The following SNX13 variants were observed in gnomAD, a reference collection of about 807,000 sequenced individuals.
SNX13 encodes the protein sorting nexin-13.
A neutral mutation model predicts 133.6 loss-of-function variants in SNX13; 45 were observed. The observed-to-expected ratio is 0.34, with a 90% confidence interval of 0.27 to 0.43. SNX13 has a LOEUF of 0.43. SNX13 is among the 20% of genes least tolerant of loss of function. The pLI, the probability that SNX13 is intolerant of heterozygous loss-of-function variation, is 1.00. For synonymous variants in SNX13, 414 were observed against 373.9 expected (o/e 1.11, Z -1.24); for missense variants, 1,032 against 1,145.1 (o/e 0.90, Z 1.43).
At chr7:17,798,540 T>A (rs1784295860) in intron 24 of SNX13, 150 bp downstream of exon 24, 1 of 575,108 alleles carries the variant, frequency 1.7e-6, no homozygotes, top group Admixed American at 3.6e-5. Flanking sequence ...GACAAATGTT[T>A]AGTATAATTC....
At chr7:17,862,729 C>T (rs1792870379) in intron 9 of SNX13, among the ~76,000 whole-genome samples, 1 of 151,986 alleles carries the variant, frequency 6.6e-6, no homozygotes, top group African/African-American at 2.4e-5. Context: ...CCATTTTTTG[C>T]TACTATAACC....
intron 20 of SNX13, among the ~76,000 whole-genome samples, chr7:17,805,256 C>CGCGCGCGCGT (rs1554304395): frequency 8.6e-5 from 5 of 58,248 alleles, no homozygotes; most frequent in South Asian, 1.1e-3. Context: ...TGTGTGCGTG[C>CGCGCGCGCGT]GCGCGCGCGC....
rs773195545 is a variant in SNX13 at position 17,814,891 on chromosome 7, C to T, written c.2007G>A (p.Val669=). Residue 669 remains valine, a synonymous_variant, in exon 20 of 26, where the codon GTG becomes GTA. Coordinates refer to ENST00000428135, the MANE Select transcript of SNX13 (RefSeq NM_015132.5). ...AGGCTTTGTTCTCAAGGAAATCATACACATAGTGAGCTAAAGCGGGGGATG... is the reference window on the plus strand; with the variant it reads ...AGGCTTTGTTCTCAAGGAAATCATATACATAGTGAGCTAAAGCGGGGGATG... ...MKASPALAHY[V]YDFLENKAYS... 3 of 1,547,020 alleles carry T rather than the reference C, an allele frequency of 1.9e-6. No individual in the cohort carries two copies.
chr7:17,930,339 T>G (rs1471840157), intron 1 of SNX13, among the ~76,000 whole-genome samples: 2 of 152,172 alleles, frequency 1.3e-5, no homozygotes, highest in Non-Finnish European at 2.9e-5. Flanking sequence ...CCAAATAATC[T>G]GACACCAGCC....
At chr7:17,868,326 T>C (rs1793652573) in intron 9 of SNX13, 81 bp downstream of exon 9, 6 of 957,824 alleles carry the variant, frequency 6.3e-6, no homozygotes, top group Non-Finnish European at 9.5e-6. Flanking sequence ...AATTACTGCT[T>C]AAACACCCTA....
intron 9 of SNX13, among the ~76,000 whole-genome samples, chr7:17,855,461 C>G (rs1000281483): frequency 6.6e-6 from 1 of 152,126 alleles, no homozygotes; most frequent in African/African-American, 2.4e-5. Flanking sequence ...GCTACAAAGC[C>G]TCAAAAGACA....
intron 9 of SNX13, among the ~76,000 whole-genome samples, chr7:17,859,417 T>G (rs1328705067): frequency 1.3e-5 from 2 of 152,100 alleles, no homozygotes; most frequent in African/African-American, 2.4e-5. Flanking sequence ...TTGACAATGC[T>G]AAATGTTAAT....
intron 7 of SNX13, 85 bp from the exon 8 acceptor site, chr7:17,873,701 GCA>G (rs1794377910): frequency 1.3e-6 from 1 of 776,964 alleles, no homozygotes; most frequent in Non-Finnish European, 1.9e-6. Context: ...ATTTAAAAAG[GCA>G]GAAATAACCA....
At position 17,875,628 on chromosome 7, in the gene SNX13, G is replaced by T. The variant is rs192114484; in HGVS notation, c.562+41C>A. The stretch of plus-strand genomic sequence containing the variant: ...TATATAAAATGATGAAAGGAAAACA[G>T]ATTTTCAAATCCTAGTTTTCAAATG... On this transcript the variant is annotated intron_variant, in intron 6 of 25. Transcript: ENST00000428135. 5.0e-5 allele frequency: 80 copies of T among 1,606,650 alleles called. No individual in the cohort carries two copies. In the East Asian group the frequency reaches 1.6e-3, roughly 33 times the overall value.
intron 18 of SNX13, among the ~76,000 whole-genome samples, chr7:17,820,404 G>A (rs989511328): frequency 6.6e-6 from 1 of 151,990 alleles, no homozygotes; most frequent in African/African-American, 2.4e-5. Flanking sequence ...TCTTCAATGT[G>A]GGGCAGAAAA....
intron 7 of SNX13, 60 bp downstream of exon 7, chr7:17,875,420 G>A: frequency 1.4e-6 from 2 of 1,387,238 alleles, no homozygotes; most frequent in South Asian, 1.3e-5. Context: ...TTTTTCACTG[G>A]TTCTGCTAAC....
At chr7:17,840,738 C>T (rs1001020766) in intron 12 of SNX13, among the ~76,000 whole-genome samples, 1 of 151,964 alleles carries the variant, frequency 6.6e-6, no homozygotes, top group Non-Finnish European at 1.5e-5. Context: ...ATTTGGCATG[C>T]AAAATATTAA....
At chr7:17,879,980 A>G (rs1795156119) in intron 5 of SNX13, 1 of 152,224 alleles carries the variant, frequency 6.6e-6, no homozygotes, top group South Asian at 2.1e-4. Flanking sequence ...AGTGTATAAA[A>G]AACTGGTAAT....
intron 1 of SNX13, among the ~76,000 whole-genome samples, chr7:17,916,376 G>C (rs1673779039): frequency 6.6e-6 from 1 of 152,104 alleles, no homozygotes; most frequent in Non-Finnish European, 1.5e-5. Flanking sequence ...TCAAAAGTTG[G>C]TTATTTGAAA....
intron 1 of SNX13, among the ~76,000 whole-genome samples, chr7:17,925,112 G>A (rs1339069942): frequency 1.3e-5 from 2 of 152,162 alleles, no homozygotes; most frequent in East Asian, 3.9e-4. Flanking sequence ...TACTCAGGAG[G>A]CTGAGGCAGG....
In SNX13 at chr7:17,834,842, A is replaced by G; in HGVS notation, c.1383T>C (p.Asp461=). Residue 461 remains aspartate, a synonymous_variant, in exon 14 of 26, where the codon GAT becomes GAC. Transcript: ENST00000428135. The stretch of plus-strand genomic sequence containing the variant: ...CTGCTAATTTTGCTACTAAATAGTC[A>G]TCAACAGTAACTCTTGGAGATGCCT... The part of the protein sequence containing the change: ...SEKASPRVTV[D]DYLVAKLADT... The G allele has an allele frequency of 1.2e-6, 2 of 1,608,118 alleles. No individual in the cohort carries two copies. Among genetic ancestry groups the G allele is most frequent in the Non-Finnish European group, 1.7e-6 (2 of 1,175,978 alleles).
chr7:17,846,041 C>T (rs908247521), intron 11 of SNX13, among the ~76,000 whole-genome samples: 11 of 151,886 alleles, frequency 7.2e-5, no homozygotes, highest in Non-Finnish European at 1.0e-4. Context: ...GGTTAATATA[C>T]GCAAGAATTT....
intron 1 of SNX13, among the ~76,000 whole-genome samples, chr7:17,936,090 A>C (rs1801989130): frequency 6.6e-6 from 1 of 152,216 alleles, no homozygotes; most frequent in Non-Finnish European, 1.5e-5. Flanking sequence ...AGTGAAATAC[A>C]AGAAAGTGTA....
chr7:17,794,564 A>G (rs1208348171), intron 25 of SNX13: 3 of 324,596 alleles, frequency 9.2e-6, no homozygotes, highest in Non-Finnish European at 5.7e-6. Context: ...ATCCCAAACT[A>G]TGATTACAAA....
Sources: gnomAD v4.1 joint callset for allele counts (sites outside exome capture counted in the v4.1 genomes callset) on GRCh38, gnomAD v4.1.1 for gene constraint, MANE v1.5 for transcripts, NCBI Gene and HGNC (gene_info 2026-07-23, HGNC 2026-07-21) for gene names.